DLGAP2: variants seen among roughly 807,000 people sequenced by gnomAD.
DLGAP2 encodes the protein disks large-associated protein 2.
DLGAP2 carries 26 observed loss-of-function variants against 100.3 expected under a neutral mutation model. The ratio of observed to expected loss-of-function variants is 0.26; its 90% CI spans 0.19 to 0.36. The LOEUF (loss-of-function observed/expected upper bound fraction) is 0.36. Ranked by LOEUF, DLGAP2 falls within the 10% of genes least tolerant of loss-of-function variation. The pLI, the probability that DLGAP2 is intolerant of heterozygous loss-of-function variation, is 1.00. For missense variants in DLGAP2, 1,858 were observed against 1,453.2 expected (o/e 1.28, Z -4.53); for synonymous variants, 886 against 630.1 (o/e 1.41, Z -6.08).
chr8:1,150,638 A>AG (rs1475815269), intron 2 of DLGAP2, among the ~76,000 whole-genome samples: 3 of 152,216 alleles, frequency 2.0e-5, no homozygotes, highest in African/African-American at 7.2e-5. Flanking sequence ...TGCCCTGTTG[A>AG]CAGGATTGGA....
intron 1 of DLGAP2, among the ~76,000 whole-genome samples, chr8:829,592 G>T (rs1048322073): frequency 6.1e-4 from 93 of 152,114 alleles, no homozygotes; most frequent in Non-Finnish European, 1.2e-3. Context: ...TAGAAATCGT[G>T]AAAACTATAA....
intron 3 of DLGAP2, among the ~76,000 whole-genome samples, chr8:1,423,560 G>A (rs1369867001): frequency 6.6e-6 from 1 of 152,246 alleles, no homozygotes; most frequent in African/African-American, 2.4e-5. Context: ...TTGACTGTGA[G>A]TGGCTTTGAA....
chr8:1,358,921 C>G (rs551137713), intron 3 of DLGAP2, among the ~76,000 whole-genome samples: 1 of 152,090 alleles, frequency 6.6e-6, no homozygotes, highest in African/African-American at 2.4e-5. Context: ...GCAGAGGCCC[C>G]AAAGGGAGAG....
intron 3 of DLGAP2, among the ~76,000 whole-genome samples, chr8:1,359,645 T>C (rs2129649461): frequency 6.6e-6 from 1 of 152,334 alleles, no homozygotes; most frequent in South Asian, 2.1e-4. Flanking sequence ...CTGTGGGTGA[T>C]GCGGTGGCGC....
intron 2 of DLGAP2, among the ~76,000 whole-genome samples, chr8:1,101,701 C>A (rs1042233016): frequency 1.4e-4 from 20 of 147,770 alleles, no homozygotes; most frequent in African/African-American, 5.0e-4. Flanking sequence ...TGGGAAGGTC[C>A]TCGTCACCCC....
At chr8:947,390 G>T (rs983630344) in intron 2 of DLGAP2, among the ~76,000 whole-genome samples, 1 of 152,214 alleles carries the variant, frequency 6.6e-6, no homozygotes, top group South Asian at 2.1e-4. Flanking sequence ...TTGCGGGAAG[G>T]ATTTTCATGT....
At chr8:1,380,347 C>G (rs780402922) in intron 3 of DLGAP2, 1 of 152,146 alleles carries the variant, frequency 6.6e-6, no homozygotes, top group Non-Finnish European at 1.5e-5. Context: ...ACCTGGTTAA[C>G]GGAAGCAGCC....
chr8:818,260 C>A (rs1238289811), intron 1 of DLGAP2, among the ~76,000 whole-genome samples: 1 of 152,154 alleles, frequency 6.6e-6, no homozygotes, highest in Non-Finnish European at 1.5e-5. Context: ...CTGAGTCACA[C>A]AGGTCGCTAG....
chr8:1,640,898 T>A (rs1295741295), intron 8 of DLGAP2, among the ~76,000 whole-genome samples: 1 of 152,240 alleles, frequency 6.6e-6, no homozygotes, highest in Non-Finnish European at 1.5e-5. Context: ...CAAAGCCTTA[T>A]GTACTTTATC....
intron 2 of DLGAP2, among the ~76,000 whole-genome samples, chr8:979,147 C>G (rs1484333880): frequency 6.6e-6 from 1 of 152,166 alleles, no homozygotes. Context: ...GTGAGCTCAA[C>G]ATTGTTAAGA....
At chr8:1,306,438 A>T (rs1283809944) in intron 3 of DLGAP2, among the ~76,000 whole-genome samples, 1 of 152,214 alleles carries the variant, frequency 6.6e-6, no homozygotes, top group African/African-American at 2.4e-5. Context: ...GACATTAAAG[A>T]CACTAATGAA....
chr8:1,006,272 T>C (rs979575957), intron 2 of DLGAP2, among the ~76,000 whole-genome samples: 5 of 152,178 alleles, frequency 3.3e-5, no homozygotes, highest in Non-Finnish European at 5.9e-5. Context: ...CTGGGGAGGA[T>C]TGTGCCTTTA....
At chr8:1,565,544 T>C (rs1802362325) in intron 5 of DLGAP2, 139 bp from the exon 6 acceptor site, 2 of 680,384 alleles carry the variant, frequency 2.9e-6, no homozygotes, top group Non-Finnish European at 2.4e-6. Context: ...TGCATTTTTA[T>C]ACATCTGACT....
At position 1,623,666 on chromosome 8, in the gene DLGAP2, C is replaced by G. The variant is rs186156300; in HGVS notation, c.1443-3074C>G. ...GGCACCAGTGTGTGATGACCTGACA[C>G]CAGTGTGTGATGACCTGGCACCAGT... is the stretch of plus-strand genomic sequence containing the variant. On this transcript the variant is annotated intron_variant, in intron 6 of 14. Coordinates refer to ENST00000637795, the MANE Select transcript of DLGAP2 (RefSeq NM_001346810.2). Among the ~76,000 whole-genome samples the G allele has an allele frequency of 2.2e-3, 336 of 152,168 alleles. 1 individual carries two copies. Among genetic ancestry groups the G allele is most frequent in the African/African-American group, 7.7e-3 (319 of 41,496 alleles).
At chr8:870,260 T>A (rs1291929158) in intron 1 of DLGAP2, among the ~76,000 whole-genome samples, 3 of 152,202 alleles carry the variant, frequency 2.0e-5, no homozygotes, top group African/African-American at 7.2e-5. Flanking sequence ...ACTTAACAAG[T>A]GCGGTTATTA....
intron 6 of DLGAP2, among the ~76,000 whole-genome samples, chr8:1,620,109 A>C (rs1224614715): frequency 6.6e-6 from 1 of 152,104 alleles, no homozygotes; most frequent in Non-Finnish European, 1.5e-5. Flanking sequence ...GTTCCTGACA[A>C]GTTGTTCAAA....
chr8:1,057,151 GTGAGAATACT>G (rs1373633730), intron 2 of DLGAP2, among the ~76,000 whole-genome samples: 1 of 152,208 alleles, frequency 6.6e-6, no homozygotes, highest in Non-Finnish European at 1.5e-5. Flanking sequence ...ACCTTTCAGT[GTGAGAATACT>G]TTTTACCCTA....
At position 805,788 on chromosome 8, in the gene DLGAP2, C is replaced by T. The variant is rs140724476; in HGVS notation, c.18+67963C>T. ...CGGCCTTGGCCTCGGCCTCCCAAAG[C>T]GCAGGGATTACATGCGTGAGCCACC... On this transcript the variant is annotated intron_variant, in intron 1 of 14. Coordinates refer to ENST00000637795, the MANE Select transcript of DLGAP2 (RefSeq NM_001346810.2). 4.2e-3 allele frequency among the ~76,000 whole-genome samples: 638 copies of T among 152,276 alleles called. 3 individuals are homozygous for T. Among genetic ancestry groups the T allele is most frequent in the Non-Finnish European group, 6.3e-3 (428 of 68,020 alleles).
intron 3 of DLGAP2, among the ~76,000 whole-genome samples, chr8:1,444,151 T>A (rs952879821): frequency 6.6e-6 from 1 of 151,936 alleles, no homozygotes; most frequent in Non-Finnish European, 1.5e-5. Flanking sequence ...AGTGGCGCGA[T>A]CATAGCTCAC....
Sources: gnomAD v4.1 joint callset for allele counts (sites outside exome capture counted in the v4.1 genomes callset) on GRCh38, gnomAD v4.1.1 for gene constraint, MANE v1.5 for transcripts, NCBI Gene and HGNC (gene_info 2026-07-23, HGNC 2026-07-21) for gene names.